Variants in XPA observed in about 807,000 individuals in gnomAD.
The protein encoded by XPA is DNA repair protein complementing XP-A cells.
Under a neutral mutation model 35.7 loss-of-function variants are expected in XPA, and 27 were observed. The observed-to-expected ratio is 0.76, with a 90% CI of 0.56 to 1.04. XPA has a LOEUF of 1.04. Among genes scored for constraint, XPA ranks in the 50% least tolerant of loss-of-function variants. The probability of loss-of-function intolerance (pLI) is 0.00; values close to 1 mark genes in which losing one functional copy is unlikely to be tolerated. For missense variants in XPA, 354 were observed against 342.7 expected, an observed-to-expected ratio of 1.03 and a Z score of -0.26; for synonymous variants, 133 against 118.4, an observed-to-expected ratio of 1.12 and a Z score of -0.80.
At chr9:97,677,622 G>A (rs1828407034) in intron 5 of XPA, among the ~76,000 whole-genome samples, 2 of 152,156 alleles carry the variant, frequency 1.3e-5, no homozygotes, top group South Asian at 4.1e-4. Flanking sequence ...CTTAAGCCGA[G>A]GAGTTTGAGC....
chr9:97,671,400 T>C, downstream of XPA: 1 of 522,430 alleles, frequency 1.9e-6, no homozygotes, highest in Non-Finnish European at 3.4e-6. Context: ...GTAATGTGAC[T>C]ATGACCATGA....
downstream of XPA, chr9:97,672,809 A>C (rs1004940647): frequency 2.3e-4 from 34 of 145,370 alleles, no homozygotes; most frequent in South Asian, 5.8e-3. Flanking sequence ...TTATGATTTT[A>C]TTTTCTTTTC....
chr9:97,682,849 C>A (rs539434860), intron 5 of XPA, among the ~76,000 whole-genome samples: 34 of 152,188 alleles, frequency 2.2e-4, no homozygotes, highest in Admixed American at 7.2e-4. Flanking sequence ...AAAACTAAAT[C>A]TTTTAAGAGT....
downstream of XPA, chr9:97,673,502 CT>C: frequency 6.6e-6 from 1 of 152,224 alleles, no homozygotes; most frequent in Non-Finnish European, 1.5e-5. Flanking sequence ...ATAATGGTTG[CT>C]TTTAACAGCT....
At chr9:97,696,457 A>G (rs2131409943) in intron 1 of XPA, among the ~76,000 whole-genome samples, 1 of 152,366 alleles carries the variant, frequency 6.6e-6, no homozygotes, top group African/African-American at 2.4e-5. Context: ...GAAATCGCAG[A>G]GGTCACATGT....
At chr9:97,673,479 C>G (rs1228657727), downstream of XPA, 2 of 152,140 alleles carry the variant, frequency 1.3e-5, no homozygotes, top group African/African-American at 4.8e-5. Flanking sequence ...TTCTCTTGGT[C>G]CTCTCTTCAT....
chr9:97,664,981 C>T, the XPA span, among the ~76,000 whole-genome samples: 1,536 of 152,256 alleles, frequency 0.01, 26 homozygotes, highest in African/African-American at 0.035. Context: ...TTCCCCCTAA[C>T]GGAAAGAAAG....
the XPA span, among the ~76,000 whole-genome samples, chr9:97,659,675 A>C: frequency 2.6e-5 from 4 of 152,200 alleles, no homozygotes; most frequent in African/African-American, 9.7e-5. Context: ...GGCAGATCAA[A>C]GGTTTATGCA....
At chr9:97,660,421 C>T in the XPA span, among the ~76,000 whole-genome samples, 3 of 152,116 alleles carry the variant, frequency 2.0e-5, no homozygotes, top group Non-Finnish European at 2.9e-5. Context: ...ATCTGACTTA[C>T]GTAGATTCAA....
At chr9:97,663,923 A>G in the XPA span, among the ~76,000 whole-genome samples, 1 of 151,928 alleles carries the variant, frequency 6.6e-6, no homozygotes, top group African/African-American at 2.4e-5. Context: ...TCTTACCTGT[A>G]ATCCTAGCAC....
At chr9:97,669,732 A>C in the XPA span, 901 of 1,418,896 alleles carry the variant, frequency 6.4e-4, 16 homozygotes, top group South Asian at 8.8e-3. Flanking sequence ...CGATTAGGTA[A>C]TAACACTATT....
intron 5 of XPA, among the ~76,000 whole-genome samples, chr9:97,677,722 G>T (rs7021377): frequency 6.6e-6 from 1 of 151,340 alleles, no homozygotes; most frequent in Admixed American, 6.6e-5. Context: ...ACATAAGAAA[G>T]TATTTAAAAA....
At position 97,687,176 on chromosome 9, in the gene XPA, C is replaced by G; in HGVS notation, c.475G>C (p.Glu159Gln). 1 of 1,612,516 alleles carries G rather than the reference C, an allele frequency of 6.2e-7. No homozygotes were observed. The highest frequency in any genetic ancestry group is 1.1e-5 in the South Asian group (1 of 90,560). The change falls in exon 4 of 6, where the codon GAG (glutamate) becomes CAG (glutamine). Residue 159 changes from glutamate (E) to glutamine (Q), a missense_variant. Glu to Gln is a conservative substitution (Grantham distance 29, BLOSUM62 2). Coordinates refer to ENST00000375128, the MANE Select transcript of XPA (RefSeq NM_000380.4). Reference sequence around the variant, plus strand: ...TTCACAATAAATTTAAGAGGTGGCTCTCTTTTTTCTAAATCACAGTCTTTC... The same window carrying G: ...TTCACAATAAATTTAAGAGGTGGCTGTCTTTTTTCTAAATCACAGTCTTTC... ...LLKDCDLEKR[E>Q]PPLKFIVKKN...
the XPA span, chr9:97,668,868 G>A: frequency 6.2e-7 from 1 of 1,613,472 alleles, no homozygotes; most frequent in South Asian, 1.1e-5. Flanking sequence ...GACGACAGAA[G>A]CAGTGACAGG....
In XPA at chr9:97,693,749, A is replaced by G. The variant is rs772684594; in HGVS notation, c.183T>C (p.Asn61=). ...TAAAATGGMA[N]VKAAPKIIDT... ...CAATTATCTTTGGGGCTGCTTTTAC[A>G]TTAGCCATGCCTACAAAAGTAAGTA... is the stretch of plus-strand genomic sequence containing the variant. Residue 61 remains asparagine, a synonymous_variant, in exon 2 of 6, where the codon AAT becomes AAC. Coordinates refer to ENST00000375128, the MANE Select transcript of XPA (RefSeq NM_000380.4). 5.6e-6 allele frequency: 9 copies of G among 1,612,894 alleles called. No homozygotes were observed. Among genetic ancestry groups the G allele is most frequent in the African/African-American group, 2.7e-5 (2 of 75,026 alleles).
At chr9:97,689,130 T>C (rs1828807123) in intron 3 of XPA, among the ~76,000 whole-genome samples, 1 of 152,176 alleles carries the variant, frequency 6.6e-6, no homozygotes, top group Admixed American at 6.5e-5. Flanking sequence ...GGAGCTACTG[T>C]CCTTTCACTG....
the XPA span, among the ~76,000 whole-genome samples, chr9:97,655,494 C>T: frequency 3.3e-5 from 5 of 152,078 alleles, no homozygotes; most frequent in South Asian, 2.1e-4. Context: ...GTTAGGTGCC[C>T]GCACAAAACA....
In XPA at chr9:97,682,564, C is replaced by T. The variant is rs889833707; in HGVS notation, c.673+2359G>A. On this transcript the variant is annotated intron_variant, in intron 5 of 5. Transcript: ENST00000375128. ...TATGCACAAAAGCAGTAAAACATTT[C>T]TATTTACAGAGACACTTGGAAAATA... The T allele has an allele frequency of 2.3e-5, 10 of 435,664 alleles. No homozygotes were observed. In the Admixed American group the frequency reaches 2.7e-4, roughly 12 times the overall value. 27.0% of individuals were successfully genotyped at this position (435,664 alleles called of 1,614,324 possible). A position where few individuals can be genotyped will look rare whatever the true frequency, so the allele number is the denominator to read the frequency against.
At chr9:97,660,860 A>G in the XPA span, 1 of 1,457,504 alleles carries the variant, frequency 6.9e-7, no homozygotes, top group Non-Finnish European at 9.1e-7. Flanking sequence ...GAATTTAAAA[A>G]AAATTTTTCT....
Sources: gnomAD v4.1 joint callset for allele counts (sites outside exome capture counted in the v4.1 genomes callset) on GRCh38, gnomAD v4.1.1 for gene constraint, MANE v1.5 for transcripts, NCBI Gene and HGNC (gene_info 2026-07-23, HGNC 2026-07-21) for gene names.